CNTN4: variants seen among roughly 807,000 people sequenced by gnomAD.
CNTN4 encodes the protein contactin-4.
A neutral mutation model predicts 122.5 loss-of-function variants in CNTN4; 77 were observed. The observed-to-expected ratio is 0.63, with a 90% confidence interval of 0.52 to 0.76. CNTN4 has a LOEUF of 0.76. Ranked by LOEUF, CNTN4 falls within the 30% of genes least tolerant of loss-of-function variation. CNTN4 has a pLI of 0.00. For synonymous variants in CNTN4, 512 were observed against 447.0 expected (o/e 1.15, Z -1.83); for missense variants, 1,256 against 1,259.1 (o/e 1.00, Z 0.04).
At chr3:2,889,625 A>C (rs1309952687) in intron 10 of CNTN4, among the ~76,000 whole-genome samples, 1 of 152,160 alleles carries the variant, frequency 6.6e-6, no homozygotes, top group Admixed American at 6.5e-5. Context: ...ATATTCAGAT[A>C]ATTGGCCAAC....
intron 13 of CNTN4, among the ~76,000 whole-genome samples, chr3:2,958,237 CAGT>C (rs1000151786): frequency 6.6e-6 from 1 of 152,146 alleles, no homozygotes; most frequent in Non-Finnish European, 1.5e-5. Context: ...AAGAAAGTGC[CAGT>C]TAAACTGGCT....
chr3:2,580,005 G>A, intron 4 of CNTN4, among the ~76,000 whole-genome samples: 1 of 151,594 alleles, frequency 6.6e-6, no homozygotes, highest in East Asian at 1.9e-4. Flanking sequence ...AAATACCTAT[G>A]CAGAACAAAT....
At chr3:3,025,934 G>T (rs909779024) in intron 14 of CNTN4, among the ~76,000 whole-genome samples, 168 bp from the exon 15 acceptor site, 1 of 152,092 alleles carries the variant, frequency 6.6e-6, no homozygotes, top group African/African-American at 2.4e-5. Flanking sequence ...ATGACCTCCT[G>T]GCCTGAGTCT....
intron 3 of CNTN4, among the ~76,000 whole-genome samples, chr3:2,395,680 A>G (rs2046615609): frequency 2.6e-5 from 4 of 152,080 alleles, no homozygotes. Flanking sequence ...GCTCCCAGTT[A>G]TAAGTGAGTA....
chr3:2,919,562 A>G (rs749199555), intron 12 of CNTN4, among the ~76,000 whole-genome samples: 2 of 152,148 alleles, frequency 1.3e-5, no homozygotes, highest in African/African-American at 2.4e-5. Flanking sequence ...CTAGCTACTG[A>G]AATTCTAGGG....
intron 4 of CNTN4, among the ~76,000 whole-genome samples, chr3:2,603,388 T>C (rs971931932): frequency 1.3e-5 from 2 of 152,172 alleles, no homozygotes; most frequent in African/African-American, 2.4e-5. Context: ...CTTGTAACAT[T>C]ATGGAAGTCC....
chr3:2,685,027 C>T (rs1025060341), intron 4 of CNTN4, among the ~76,000 whole-genome samples: 2 of 152,088 alleles, frequency 1.3e-5, no homozygotes, highest in Non-Finnish European at 2.9e-5. Context: ...ATTTACTTAG[C>T]GATTAGCTTT....
Position 2,252,234 on chromosome 3 carries a change from T to G in CNTN4, c.-144-86944T>G, listed in dbSNP as rs560971474. Among the ~76,000 whole-genome samples, 3 of 152,158 alleles carry G rather than the reference T, an allele frequency of 2.0e-5. No individual in the cohort carries two copies. In the South Asian group the frequency reaches 6.2e-4, roughly 32 times the overall value. On this transcript the variant is annotated intron_variant, in intron 2 of 24. Coordinates refer to ENST00000418658, the MANE Select transcript of CNTN4 (RefSeq NM_175607.3). ...TGGTGAAACTATACTCTTGATAAAG[T>G]TTTTTATTATAATGTATTAAGTACA...
intron 19 of CNTN4, chr3:3,039,263 A>G: frequency 2.5e-6 from 1 of 407,798 alleles, no homozygotes; most frequent in Non-Finnish European, 4.5e-6. Context: ...ACAAAAAAAA[A>G]TAAAGAAGGC....
chr3:2,232,826 C>T (rs2039541155), intron 2 of CNTN4, among the ~76,000 whole-genome samples: 1 of 152,100 alleles, frequency 6.6e-6, no homozygotes. Context: ...TCTACCTCTA[C>T]ATAATGGCTT....
chr3:2,141,333 GA>G (rs377057848), intron 2 of CNTN4, among the ~76,000 whole-genome samples: 119 of 152,248 alleles, frequency 7.8e-4, no homozygotes, highest in African/African-American at 2.8e-3. Context: ...AAATGAAAGA[GA>G]GGGGCAGGAG....
At chr3:2,450,106 C>G (rs373838490) in intron 3 of CNTN4, among the ~76,000 whole-genome samples, 1 of 152,224 alleles carries the variant, frequency 6.6e-6, no homozygotes, top group East Asian at 1.9e-4. Flanking sequence ...GTGGCTTACA[C>G]CTATAATCCC....
chr3:3,039,073 A>T, intron 19 of CNTN4, 70 bp downstream of exon 19: 1 of 1,364,922 alleles, frequency 7.3e-7, no homozygotes, highest in Admixed American at 1.8e-5. Context: ...TCCATGTTAG[A>T]CATAGCTGGG....
intron 14 of CNTN4, among the ~76,000 whole-genome samples, chr3:2,995,860 CA>C (rs1384782016): frequency 6.6e-6 from 1 of 152,108 alleles, no homozygotes; most frequent in East Asian, 1.9e-4. Context: ...CATGGCCCAG[CA>C]ATTCCATTTT....
At chr3:2,197,127 CTT>C (rs2037879192) in intron 2 of CNTN4, among the ~76,000 whole-genome samples, 1 of 149,874 alleles carries the variant, frequency 6.7e-6, no homozygotes, top group Non-Finnish European at 1.5e-5. Context: ...AAGGAAGAAA[CTT>C]TCTTGAAGTT....
chr3:2,234,433 A>T (rs1458570913), intron 2 of CNTN4, among the ~76,000 whole-genome samples: 2 of 151,612 alleles, frequency 1.3e-5, no homozygotes, highest in Non-Finnish European at 2.9e-5. Context: ...TACAAACTTC[A>T]TCAGCTTGTG....
chr3:2,677,508 ATCTATCTATCTATCTG>A (rs1214102599), intron 4 of CNTN4, among the ~76,000 whole-genome samples: 2 of 145,828 alleles, frequency 1.4e-5, no homozygotes, highest in African/African-American at 5.0e-5. Flanking sequence ...CTATCTATCT[ATCTATCTATCTATCTG>A]TAGAGAGAAA....
intron 2 of CNTN4, among the ~76,000 whole-genome samples, chr3:2,219,012 C>T (rs1350804768): frequency 6.6e-6 from 1 of 152,204 alleles, no homozygotes; most frequent in African/African-American, 2.4e-5. Flanking sequence ...AAGCTTTGGG[C>T]TCAGCTTCCC....
At chr3:2,349,080 C>T (rs1395018612) in intron 3 of CNTN4, among the ~76,000 whole-genome samples, 2 of 152,120 alleles carry the variant, frequency 1.3e-5, no homozygotes, top group South Asian at 2.1e-4. Context: ...TTAAAATTTA[C>T]ATTATTGCAA....
Sources: gnomAD v4.1 joint callset for allele counts (sites outside exome capture counted in the v4.1 genomes callset) on GRCh38, gnomAD v4.1.1 for gene constraint, MANE v1.5 for transcripts, NCBI Gene and HGNC (gene_info 2026-07-23, HGNC 2026-07-21) for gene names.